Variants in CCDC18 observed in about 807,000 individuals in gnomAD.
CCDC18 encodes coiled-coil domain containing 18, also known as coiled-coil domain-containing protein 18.
CCDC18 carries 157 observed loss-of-function variants against 196.0 expected under a neutral mutation model. That is an observed-to-expected ratio of 0.80 (90% CI 0.70 to 0.91). The LOEUF (loss-of-function observed/expected upper bound fraction) is 0.91, where lower values mean the gene tolerates loss of function less well. Ranked by LOEUF, CCDC18 falls within the 40% of genes least tolerant of loss-of-function variation. The probability of loss-of-function intolerance (pLI) is 0.00; values close to 1 mark genes in which losing one functional copy is unlikely to be tolerated. For missense variants in CCDC18, 1,465 were observed against 1,611.6 expected, an observed-to-expected ratio of 0.91 and a Z score of 1.56; for synonymous variants, 482 against 529.2, an observed-to-expected ratio of 0.91 and a Z score of 1.22.
Position 93,226,331 on chromosome 1 carries a change from A to G in CCDC18, c.2176-2A>G, listed in dbSNP as rs747061629. The G allele has an allele frequency of 1.1e-6, 1 of 880,930 alleles. No homozygotes were observed. Among genetic ancestry groups the G allele is most frequent in the Non-Finnish European group, 1.6e-6 (1 of 607,180 alleles). The allele number at this position is 880,930 out of a possible 1,614,324, so 54.6% of individuals were successfully genotyped here. A position where few individuals can be genotyped will look rare whatever the true frequency, so the allele number is the denominator to read the frequency against. On this transcript the variant is annotated splice_acceptor_variant, in intron 16 of 28. Coordinates refer to ENST00000690025, the MANE Select transcript of CCDC18 (RefSeq NM_001378204.1). LOFTEE classifies it high-confidence loss of function. ...TTTTTTTTTGCTTTTTTTCCTGCTT[A>G]GGTTAGGCAACTAGATTCAGCATTG...
At chr1:93,254,095 CA>C (rs1020038565) in intron 23 of CCDC18, among the ~76,000 whole-genome samples, 1 of 151,910 alleles carries the variant, frequency 6.6e-6, no homozygotes, top group African/African-American at 2.4e-5. Flanking sequence ...AAAACAAAAA[CA>C]AAAAAGTCTT....
chr1:93,205,212 C>G (rs1390912711), intron 7 of CCDC18, among the ~76,000 whole-genome samples: 1 of 152,132 alleles, frequency 6.6e-6, no homozygotes, highest in Non-Finnish European at 1.5e-5. Context: ...AATATTTGCA[C>G]TGAAATTAAC....
At chr1:93,210,454 C>T (rs531358) in intron 9 of CCDC18, among the ~76,000 whole-genome samples, 80,079 of 151,956 alleles carry the variant, frequency 0.53, 24,277 homozygotes, top group South Asian at 0.68. Flanking sequence ...TCATGTGTAT[C>T]CTTCTCGTCC....
At position 93,221,652 on chromosome 1, in the gene CCDC18, A is replaced by C; in HGVS notation, c.2006A>C (p.Gln669Pro). The change falls in exon 15 of 29, where the codon CAA (glutamine) becomes CCA (proline). Residue 669 changes from glutamine to proline, a missense_variant. By Grantham distance (76) the Gln-to-Pro change is moderately conservative. Transcript: ENST00000690025. The stretch of plus-strand genomic sequence containing the variant: ...AAAAAGGACCAACAATTTAAAGAAC[A>C]AGAAAAGACTATGTCCATGTTGCAA... Reference protein sequence around the residue: ...LEKKDQQFKEQEKTMSMLQQD... With the variant: ...LEKKDQQFKEPEKTMSMLQQD... The C allele has an allele frequency of 6.4e-7, 1 of 1,569,008 alleles. No homozygotes were observed. Among genetic ancestry groups the C allele is most frequent in the Non-Finnish European group, 8.6e-7 (1 of 1,165,292 alleles).
chr1:93,227,970 AAAT>A lies in CCDC18; in HGVS notation c.2292+1523_2292+1525del, dbSNP rs1164562647. 3.4e-3 allele frequency among the ~76,000 whole-genome samples: 420 copies of A among 124,182 alleles called. 2 individuals are homozygous for A. The highest frequency in any genetic ancestry group is 0.014 in the African/African-American group (399 of 28,358). 81.5% of individuals were successfully genotyped at this position (124,182 alleles called of 152,430 possible). On this transcript the variant is annotated intron_variant, in intron 17 of 28. Coordinates refer to ENST00000690025, the MANE Select transcript of CCDC18 (RefSeq NM_001378204.1). ...GAGACCCTATCTCAAAAAAAAAAAA[AAAT>A]ATATATATATATATATTTATTTATA... is the stretch of plus-strand genomic sequence containing the variant.
chr1:93,247,264 C>G (rs1382241791), intron 23 of CCDC18, among the ~76,000 whole-genome samples: 1 of 152,032 alleles, frequency 6.6e-6, no homozygotes, highest in African/African-American at 2.4e-5. Context: ...TTCCTAGATA[C>G]TTTATTTTTT....
rs913657667 is a variant in CCDC18, at chr1:93,186,471, A to G, written c.430A>G (p.Ile144Val). The change falls in exon 4 of 29, where the codon ATT becomes GTT. Residue 144 changes from isoleucine to valine, a missense_variant. Physicochemically the swap from Ile to Val is conservative, Grantham distance 29. Transcript: ENST00000690025. ...TTCCTTAATGACTAAATTTGAATCT[A>G]TTCACTTTGAATTAACACAGTCAAG... ...NHSLMTKFESIHFELTQSRAK... is the reference protein window; with the variant it reads ...NHSLMTKFESVHFELTQSRAK... 1 of 1,610,466 alleles carries G rather than the reference A, an allele frequency of 6.2e-7. No homozygotes were observed. Among genetic ancestry groups the G allele is most frequent in the South Asian group, 1.1e-5 (1 of 90,276 alleles).
At chr1:93,215,510 G>A (rs1262517799) in intron 12 of CCDC18, among the ~76,000 whole-genome samples, 1 of 150,276 alleles carries the variant, frequency 6.7e-6, no homozygotes, top group East Asian at 1.9e-4. Context: ...AGTCTGGAGT[G>A]TGGTGGTGTG....
chr1:93,213,270 A>G (rs1403310205), intron 11 of CCDC18, among the ~76,000 whole-genome samples: 2 of 152,100 alleles, frequency 1.3e-5, no homozygotes, highest in South Asian at 2.1e-4. Flanking sequence ...CCATTTTAAT[A>G]TACAGTTTGA....
In CCDC18 at chr1:93,197,896, C is replaced by T. The variant is rs372691092; in HGVS notation, c.699-3996C>T. Among the ~76,000 whole-genome samples, 5 of 151,750 alleles carry T rather than the reference C, an allele frequency of 3.3e-5. No individual in the cohort carries two copies. The South Asian group carries it at 6.3e-4, about 19-fold the overall frequency. On this transcript the variant is annotated intron_variant, in intron 6 of 28. Coordinates refer to ENST00000690025, the MANE Select transcript of CCDC18 (RefSeq NM_001378204.1). Reference sequence around the variant, plus strand: ...CCTCTCTAGTAGCTGGGACTACAGGCGCCCACCACCATGCCTGGCTAATTT... The same window carrying T: ...CCTCTCTAGTAGCTGGGACTACAGGTGCCCACCACCATGCCTGGCTAATTT...
intron 4 of CCDC18, among the ~76,000 whole-genome samples, chr1:93,190,145 A>G (rs1457993524): frequency 6.7e-6 from 1 of 150,214 alleles, no homozygotes; most frequent in African/African-American, 2.5e-5. Flanking sequence ...TTTTTTTTTC[A>G]TGTTTGCTTT....
At chr1:93,206,613 T>C (rs945585509) in intron 8 of CCDC18, among the ~76,000 whole-genome samples, 4 of 152,138 alleles carry the variant, frequency 2.6e-5, no homozygotes, top group Admixed American at 1.3e-4. Flanking sequence ...TTAAGACTTG[T>C]TGATGCAGTA....
Position 93,207,297 on chromosome 1 carries a change from C to G in CCDC18, c.1108C>G (p.Arg370Gly). ...LMNENRELKVRVAAQNERLDL... is the reference protein window; with the variant it reads ...LMNENRELKVGVAAQNERLDL... ...GAATGAAAACCGAGAATTAAAGGTC[C>G]GTGTTGCAGCACAGAATGAGCGACT... is the stretch of plus-strand genomic sequence containing the variant. Residue 370 changes from arginine to glycine, a missense_variant, in exon 9 of 29, where the codon CGT (arginine) becomes GGT (glycine). Transcript: ENST00000690025. 6.2e-7 allele frequency: 1 copy of G among 1,613,128 alleles called. No individual in the cohort carries two copies. Among genetic ancestry groups the G allele is most frequent in the Non-Finnish European group, 8.5e-7 (1 of 1,179,392 alleles).
At chr1:93,255,603 A>T (rs546249837) in intron 24 of CCDC18, among the ~76,000 whole-genome samples, 32 of 152,148 alleles carry the variant, frequency 2.1e-4, no homozygotes, top group African/African-American at 7.0e-4. Context: ...AGGTGTGGTG[A>T]TGCATGCCTG....
At chr1:93,272,324 G>T (rs942121053) in intron 28 of CCDC18, among the ~76,000 whole-genome samples, 6 of 152,126 alleles carry the variant, frequency 3.9e-5, no homozygotes, top group Non-Finnish European at 5.9e-5. Context: ...GAATATTTAT[G>T]AATGTATCAA....
intron 4 of CCDC18, chr1:93,191,007 G>T: frequency 9.9e-7 from 1 of 1,013,534 alleles, no homozygotes; most frequent in Non-Finnish European, 1.5e-6. Flanking sequence ...TCTAGGGTTG[G>T]TGCTTGCCAC....
chr1:93,267,062 C>T (rs183136416), intron 27 of CCDC18, among the ~76,000 whole-genome samples: 2,299 of 152,160 alleles, frequency 0.015, 68 homozygotes, highest in African/African-American at 0.053. Context: ...ACTGGCAAAC[C>T]GAATCCAGCA....
At chr1:93,246,517 T>A (rs1661518084) in intron 22 of CCDC18, among the ~76,000 whole-genome samples, 1 of 152,162 alleles carries the variant, frequency 6.6e-6, no homozygotes, top group African/African-American at 2.4e-5. Flanking sequence ...TTGTCCAGCA[T>A]AAAATGAAGT....
At chr1:93,234,415 C>T (rs1422642150) in intron 18 of CCDC18, among the ~76,000 whole-genome samples, 3 of 152,124 alleles carry the variant, frequency 2.0e-5, no homozygotes, top group African/African-American at 7.2e-5. Flanking sequence ...CCACCTCAGC[C>T]TCCCAAAGTG....
Sources: gnomAD v4.1 joint callset for allele counts (sites outside exome capture counted in the v4.1 genomes callset) on GRCh38, gnomAD v4.1.1 for gene constraint, MANE v1.5 for transcripts, NCBI Gene and HGNC (gene_info 2026-07-23, HGNC 2026-07-21) for gene names.